Variants in NIM1K observed in about 807,000 individuals in gnomAD.
NIM1K encodes NIM1 serine/threonine protein kinase.
In NIM1K, 35 loss-of-function variants were observed where a neutral mutation model predicts 37.1. The observed-to-expected ratio is 0.94, with a 90% confidence interval of 0.72 to 1.25. NIM1K has a LOEUF of 1.25. Among genes scored for constraint, NIM1K ranks in the 50% most tolerant of loss-of-function variants. NIM1K has a pLI of 0.00. For synonymous variants in NIM1K, 234 were observed against 206.6 expected, an observed-to-expected ratio of 1.13 and a Z score of -1.14; for missense variants, 564 against 548.0, an observed-to-expected ratio of 1.03 and a Z score of -0.29.
chr5:43,216,131 C>T (rs2112224352), intron 1 of NIM1K, among the ~76,000 whole-genome samples: 1 of 152,120 alleles, frequency 6.6e-6, no homozygotes, highest in Middle Eastern at 3.4e-3. Flanking sequence ...CCTTTATTGC[C>T]ATTTTATTTC....
At chr5:43,197,023 C>T (rs1235642528) in intron 1 of NIM1K, among the ~76,000 whole-genome samples, 1 of 146,890 alleles carries the variant, frequency 6.8e-6, no homozygotes, top group East Asian at 2.1e-4. Context: ...TGGGCTCAAG[C>T]AATCCTCTCA....
chr5:43,274,296 A>G (rs1753305155), intron 2 of NIM1K, among the ~76,000 whole-genome samples: 1 of 152,200 alleles, frequency 6.6e-6, no homozygotes, highest in African/African-American at 2.4e-5. Context: ...GACACCTACC[A>G]CCTGATTCTT....
chr5:43,221,703 T>C (rs1752383645), intron 1 of NIM1K, among the ~76,000 whole-genome samples: 1 of 152,212 alleles, frequency 6.6e-6, no homozygotes, highest in Non-Finnish European at 1.5e-5. Flanking sequence ...GCGTTTGCCC[T>C]GTTTGAACAC....
intron 2 of NIM1K, among the ~76,000 whole-genome samples, chr5:43,258,060 G>A (rs937821694): frequency 6.6e-6 from 1 of 152,108 alleles, no homozygotes; most frequent in Admixed American, 6.5e-5. Context: ...GAACACTTCT[G>A]GTACTCAGAG....
At chr5:43,217,088 T>C (rs1209246834) in intron 1 of NIM1K, among the ~76,000 whole-genome samples, 2 of 152,228 alleles carry the variant, frequency 1.3e-5, no homozygotes, top group Admixed American at 1.3e-4. Context: ...ACATTTTCAT[T>C]ACCCTAAAAA....
At chr5:43,235,601 C>G (rs551010436) in intron 1 of NIM1K, among the ~76,000 whole-genome samples, 2 of 152,278 alleles carry the variant, frequency 1.3e-5, no homozygotes, top group African/African-American at 4.8e-5. Flanking sequence ...AGATATTTGA[C>G]AGCTTTGTCC....
chr5:43,236,059 G>A (rs1020106345), intron 1 of NIM1K, among the ~76,000 whole-genome samples: 3 of 152,120 alleles, frequency 2.0e-5, no homozygotes, highest in Admixed American at 6.6e-5. Flanking sequence ...TGGATTACTC[G>A]AGACCGGGAG....
intron 2 of NIM1K, among the ~76,000 whole-genome samples, chr5:43,273,436 C>A (rs549902906): frequency 1.3e-5 from 2 of 152,224 alleles, no homozygotes; most frequent in African/African-American, 4.8e-5. Context: ...GTCTTGAACT[C>A]TTGACCTTGT....
At chr5:43,273,369 A>T (rs1286302879) in intron 2 of NIM1K, among the ~76,000 whole-genome samples, 1 of 151,802 alleles carries the variant, frequency 6.6e-6, no homozygotes, top group Non-Finnish European at 1.5e-5. Context: ...ATGCCTGGCT[A>T]ATTTTTTGTA....
At chr5:43,269,758 A>C (rs1396026532) in intron 2 of NIM1K, among the ~76,000 whole-genome samples, 1 of 151,756 alleles carries the variant, frequency 6.6e-6, no homozygotes, top group Non-Finnish European at 1.5e-5. Flanking sequence ...AGCTGGGACT[A>C]CAGACACCCG....
intron 2 of NIM1K, among the ~76,000 whole-genome samples, chr5:43,272,962 C>A (rs1245759463): frequency 6.6e-6 from 1 of 152,152 alleles, no homozygotes; most frequent in Non-Finnish European, 1.5e-5. Flanking sequence ...TATTACCACC[C>A]TGGCACTAGG....
intron 1 of NIM1K, among the ~76,000 whole-genome samples, chr5:43,234,768 G>A (rs1752593405): frequency 6.6e-6 from 1 of 152,142 alleles, no homozygotes. Flanking sequence ...CTGAGTAGCG[G>A]GGATTACAGG....
At position 43,280,629 on chromosome 5, in the gene NIM1K, C is replaced by G; in HGVS notation, c.1211C>G (p.Pro404Arg). The G allele has an allele frequency of 6.2e-7, 1 of 1,614,042 alleles. No homozygotes were observed. Among genetic ancestry groups the G allele is most frequent in the African/African-American group, 1.3e-5 (1 of 75,014 alleles). ...AGGAAGAAGGCTTTGGAAAGTGTCCCAGTCATGATGCTACCAGACCCTAAA... is the reference window on the plus strand; with the variant it reads ...AGGAAGAAGGCTTTGGAAAGTGTCCGAGTCATGATGCTACCAGACCCTAAA... ...VQRKKALESVPVMMLPDPKER... is the reference protein window; with the variant it reads ...VQRKKALESVRVMMLPDPKER... The change falls in exon 4 of 4, where the codon CCA becomes CGA. Residue 404 changes from proline to arginine, a missense_variant. By Grantham distance (103) the Pro-to-Arg change is moderately radical. Coordinates refer to ENST00000326035, the MANE Select transcript of NIM1K (RefSeq NM_153361.4).
chr5:43,278,737 G>C (rs1178420644), intron 3 of NIM1K, among the ~76,000 whole-genome samples: 1 of 152,194 alleles, frequency 6.6e-6, no homozygotes, highest in African/African-American at 2.4e-5. Context: ...GTCCATGCTA[G>C]CAATGGGGCA....
rs572513901 is a variant in NIM1K at position 43,252,048 on chromosome 5, T to C, written c.292+5981T>C. On this transcript the variant is annotated intron_variant, in intron 2 of 3. Transcript: ENST00000326035. ...ATCCACCATAGAGACATTAGCTAGC[T>C]AAGCCGAGAAGTTTCTACAAGCCGG... Among the ~76,000 whole-genome samples, 465 of 151,850 alleles carry C rather than the reference T, an allele frequency of 3.1e-3. 2 individuals carry two copies. Among genetic ancestry groups the C allele is most frequent in the African/African-American group, 0.011 (453 of 41,386 alleles).
chr5:43,256,550 C>T (rs540235151), intron 2 of NIM1K, among the ~76,000 whole-genome samples: 83 of 152,266 alleles, frequency 5.5e-4, no homozygotes, highest in African/African-American at 1.7e-3. Flanking sequence ...TATGACACTA[C>T]AGAGCAGACG....
In NIM1K at chr5:43,280,612, G is replaced by A. The variant is rs746451865; in HGVS notation, c.1194G>A (p.Lys398=). The A allele has an allele frequency of 6.2e-6, 10 of 1,614,072 alleles. No homozygotes were observed. The South Asian group carries it at 8.8e-5, about 14-fold the overall frequency. ...RIILHRVQRK[K]ALESVPVMML... ...TTTTACATAGAGTCCAAAGGAAGAA[G>A]GCTTTGGAAAGTGTCCCAGTCATGA... The change falls in exon 4 of 4, where the codon AAG becomes AAA. Residue 398 remains lysine, a synonymous_variant. Transcript: ENST00000326035.
intron 1 of NIM1K, among the ~76,000 whole-genome samples, chr5:43,241,807 A>T (rs918358377): frequency 6.6e-6 from 1 of 152,148 alleles, no homozygotes; most frequent in South Asian, 2.1e-4. Flanking sequence ...AATTTTATGT[A>T]GTCAAATTCA....
intron 2 of NIM1K, among the ~76,000 whole-genome samples, chr5:43,274,405 A>C (rs1387012788): frequency 6.6e-6 from 1 of 152,164 alleles, no homozygotes; most frequent in Non-Finnish European, 1.5e-5. Context: ...GTAATGGGAG[A>C]ACTGAGGAGA....
Sources: allele counts gnomAD v4.1 joint callset (sites outside exome capture counted in the v4.1 genomes callset), GRCh38; gene constraint gnomAD v4.1.1; transcripts MANE v1.5; gene names NCBI Gene and HGNC (gene_info 2026-07-23, HGNC 2026-07-21).